ELMOD3: variants seen among roughly 807,000 people sequenced by gnomAD.
ELMOD3 encodes the protein ELMO domain-containing protein 3.
A neutral mutation model predicts 47.4 loss-of-function variants in ELMOD3; 36 were observed. That is an observed-to-expected ratio of 0.76 (90% confidence interval 0.58 to 1.00). ELMOD3 has a LOEUF of 1.00. Ranked by LOEUF, ELMOD3 falls within the 50% of genes least tolerant of loss-of-function variation. The pLI is 0.00. For synonymous variants in ELMOD3, 149 were observed against 183.5 expected (o/e 0.81, Z 1.52); for missense variants, 404 against 463.8 (o/e 0.87, Z 1.18).
intron 11 of ELMOD3, among the ~76,000 whole-genome samples, chr2:85,384,515 GTC>G (rs1426652071): frequency 2.6e-5 from 4 of 152,130 alleles, no homozygotes; most frequent in African/African-American, 4.8e-5. Context: ...TAGCTCCTCT[GTC>G]TCTGTCTGGA....
chr2:85,363,606 G>A (rs887186590), intron 6 of ELMOD3, among the ~76,000 whole-genome samples: 7 of 152,154 alleles, frequency 4.6e-5, no homozygotes, highest in East Asian at 1.9e-4. Flanking sequence ...GTATTAGTCC[G>A]TTTTCATGCT....
At chr2:85,380,685 C>A (rs920467154) in intron 11 of ELMOD3, among the ~76,000 whole-genome samples, 5 of 152,172 alleles carry the variant, frequency 3.3e-5, no homozygotes, top group Admixed American at 6.6e-5. Flanking sequence ...CCACCACACC[C>A]AGTTAATTTT....
intron 11 of ELMOD3, among the ~76,000 whole-genome samples, chr2:85,384,406 T>C (rs183856193): frequency 4.5e-4 from 68 of 152,238 alleles, no homozygotes; most frequent in Non-Finnish European, 8.2e-4. Context: ...CTCTTGGCCC[T>C]GAAAGAGAAG....
intron 5 of ELMOD3, 71 bp from the exon 6 acceptor site, chr2:85,363,026 G>T: frequency 1.1e-6 from 1 of 925,360 alleles, no homozygotes; most frequent in Non-Finnish European, 1.8e-6. Context: ...CAGTACAGTG[G>T]GTGGGAAGCG....
intron 4 of ELMOD3, among the ~76,000 whole-genome samples, chr2:85,360,141 C>T (rs1253365606): frequency 2.0e-5 from 3 of 151,832 alleles, no homozygotes; most frequent in African/African-American, 7.3e-5. Flanking sequence ...TGGCGCATGC[C>T]TGTAATCCCA....
At chr2:85,365,966 C>CT (rs200811688) in intron 6 of ELMOD3, among the ~76,000 whole-genome samples, 29 of 149,994 alleles carry the variant, frequency 1.9e-4, no homozygotes, top group African/African-American at 6.2e-4. Flanking sequence ...CCCCCAGTCC[C>CT]TTTTTTTTTG....
intron 1 of ELMOD3, 91 bp downstream of exon 1, chr2:85,354,920 G>T (rs1025341220): frequency 1.8e-5 from 3 of 168,982 alleles, no homozygotes; most frequent in Admixed American, 1.7e-4. Context: ...ATGTGATCCG[G>T]TGGAAATTAT....
At chr2:85,368,477 C>G in intron 6 of ELMOD3, 1 of 545,680 alleles carries the variant, frequency 1.8e-6, no homozygotes, top group Non-Finnish European at 3.3e-6. Context: ...TGGCCCAGGT[C>G]AGAAATGGAG....
At chr2:85,373,265 A>G (rs966688993) in intron 10 of ELMOD3, among the ~76,000 whole-genome samples, 4 of 152,164 alleles carry the variant, frequency 2.6e-5, no homozygotes, top group African/African-American at 9.7e-5. Context: ...AATTTTAAAA[A>G]AAAGATAAAA....
intron 9 of ELMOD3, 92 bp downstream of exon 9, chr2:85,371,301 T>G: frequency 6.2e-7 from 1 of 1,607,138 alleles, no homozygotes; most frequent in Non-Finnish European, 8.5e-7. Flanking sequence ...CCAGGAATAT[T>G]GCATGTACCA....
Position 85,371,455 on chromosome 2 carries a change from A to G in ELMOD3, c.500A>G (p.Gln167Arg), listed in dbSNP as rs1221389830. 6.2e-7 allele frequency: 1 copy of G among 1,614,194 alleles called. No individual in the cohort carries two copies. Among genetic ancestry groups the G allele is most frequent in the Non-Finnish European group, 8.5e-7 (1 of 1,180,024 alleles). Residue 167 changes from glutamine to arginine, a missense_variant, in exon 10 of 14, where the codon CAA becomes CGA. Coordinates refer to ENST00000409013, the MANE Select transcript of ELMOD3 (RefSeq NM_001135022.2). ...TTTGGGGCAGGTGGCCTGGATAGCC[A>G]AGACCCAGTGCATGGCCGAGTCCTC... ...LTIAQCGLDS[Q>R]DPVHGRVLQT...
In ELMOD3 at chr2:85,369,773, A is replaced by C; in HGVS notation, c.303A>C (p.Leu101=). Residue 101 remains leucine (L), a synonymous_variant, in exon 8 of 14, where the codon CTA becomes CTC. Transcript: ENST00000409013. ...CTAGCTCAGAGCAGCCTGGGCAGCT[A>C]ATCTCCTTCAGTGAGGCCCTGCAGC... ...SQASSEQPGQ[L]ISFSEALQHF... 4 of 1,614,108 alleles carry C rather than the reference A, an allele frequency of 2.5e-6. No homozygotes were observed. Among genetic ancestry groups the C allele is most frequent in the Non-Finnish European group, 3.4e-6 (4 of 1,179,970 alleles).
intron 5 of ELMOD3, 65 bp downstream of exon 5, chr2:85,362,325 C>A: frequency 9.8e-7 from 1 of 1,021,610 alleles, no homozygotes. Flanking sequence ...TGTGTGGTGC[C>A]AGAACTGTGG....
chr2:85,389,681 C>T (rs572089992), intron 11 of ELMOD3, 70 bp from the exon 12 acceptor site: 1 of 1,361,934 alleles, frequency 7.3e-7, no homozygotes, highest in East Asian at 2.3e-5. Context: ...GCGAGCCACA[C>T]CAGGCTGCAG....
chr2:85,376,390 G>A lies in ELMOD3; in HGVS notation c.608-954G>A, dbSNP rs1036177557. Among the ~76,000 whole-genome samples, 1 of 152,154 alleles carries A rather than the reference G, an allele frequency of 6.6e-6. No individual in the cohort carries two copies. The highest frequency in any genetic ancestry group is 1.5e-5 in the Non-Finnish European group (1 of 68,034). ...GACGTCACCATGTTACTGCCAGGTGGGGGTGGAAGTCCGGGTATCCCACTT... is the reference window on the plus strand; with the variant it reads ...GACGTCACCATGTTACTGCCAGGTGAGGGTGGAAGTCCGGGTATCCCACTT... On this transcript the variant is annotated intron_variant, in intron 10 of 13. Coordinates refer to ENST00000409013, the MANE Select transcript of ELMOD3 (RefSeq NM_001135022.2). This position sits in a 1 kb window ranked among gnomAD's most constrained non-coding sequence, Gnocchi z 4.2.
intron 10 of ELMOD3, among the ~76,000 whole-genome samples, chr2:85,375,965 C>T (rs148120850): frequency 2.0e-5 from 3 of 152,306 alleles, no homozygotes; most frequent in Non-Finnish European, 4.4e-5. Flanking sequence ...CTTTTAAGGA[C>T]CCTTCTGATG....
At chr2:85,372,982 C>G (rs373444889) in intron 10 of ELMOD3, 3 of 148,964 alleles carry the variant, frequency 2.0e-5, no homozygotes, top group South Asian at 4.3e-4. Flanking sequence ...AGGCCGGGTG[C>G]TATGGCTCAC....
At chr2:85,385,856 A>C (rs1685885211) in intron 11 of ELMOD3, among the ~76,000 whole-genome samples, 1 of 152,120 alleles carries the variant, frequency 6.6e-6, no homozygotes, top group Non-Finnish European at 1.5e-5. Context: ...ATTAGAGATG[A>C]TGCTGGTTTG....
At chr2:85,375,844 C>T (rs529309570) in intron 10 of ELMOD3, among the ~76,000 whole-genome samples, 1 of 152,356 alleles carries the variant, frequency 6.6e-6, no homozygotes, top group African/African-American at 2.4e-5. Context: ...CCTTTTGCAG[C>T]TTCTAGAGGC....
Sources: gnomAD v4.1 joint callset for allele counts (sites outside exome capture counted in the v4.1 genomes callset) on GRCh38, gnomAD v4.1.1 for gene constraint, Gnocchi (gnomAD v3.1) non-coding constraint, MANE v1.5 for transcripts, NCBI Gene and HGNC (gene_info 2026-07-23, HGNC 2026-07-21) for gene names.